Variants in SGCZ observed in about 807,000 individuals in gnomAD.
SGCZ encodes the protein zeta-sarcoglycan.
Under a neutral mutation model 41.3 loss-of-function variants are expected in SGCZ, and 40 were observed. The ratio of observed to expected loss-of-function variants is 0.97; its 90% CI spans 0.75 to 1.26. SGCZ has a LOEUF of 1.26. Ranked by LOEUF, SGCZ falls within the 50% of genes most tolerant of loss-of-function variation. The pLI is 0.00. For synonymous variants in SGCZ, 206 were observed against 137.5 expected (o/e 1.50, Z -3.49); for missense variants, 552 against 369.8 (o/e 1.49, Z -4.04).
chr8:14,324,635 AT>A (rs1247128946), intron 2 of SGCZ, among the ~76,000 whole-genome samples: 1 of 152,164 alleles, frequency 6.6e-6, no homozygotes, highest in Non-Finnish European at 1.5e-5. Flanking sequence ...TGATACAATA[AT>A]TTTAACAAGT....
chr8:14,956,194 C>T (rs1022139494), intron 1 of SGCZ, among the ~76,000 whole-genome samples: 1 of 151,914 alleles, frequency 6.6e-6, no homozygotes, highest in Non-Finnish European at 1.5e-5. Context: ...CATGCGTGAC[C>T]ACACCTAGCT....
chr8:14,197,450 C>T (rs944869966), intron 4 of SGCZ, among the ~76,000 whole-genome samples: 1 of 151,800 alleles, frequency 6.6e-6, no homozygotes, highest in Non-Finnish European at 1.5e-5. Flanking sequence ...AATGATAATA[C>T]ATCATAGATA....
intron 1 of SGCZ, among the ~76,000 whole-genome samples, chr8:14,835,464 C>A (rs1294591160): frequency 6.6e-6 from 1 of 152,162 alleles, no homozygotes; most frequent in Non-Finnish European, 1.5e-5. Flanking sequence ...TGATACTAAA[C>A]TGTGTTTTGG....
chr8:15,116,044 C>T (rs1291418248), intron 1 of SGCZ, among the ~76,000 whole-genome samples: 1 of 152,104 alleles, frequency 6.6e-6, no homozygotes, highest in African/African-American at 2.4e-5. Context: ...CAGCCATAAA[C>T]AATATATAAG....
intron 1 of SGCZ, among the ~76,000 whole-genome samples, chr8:14,653,460 C>A (rs866109199): frequency 6.6e-6 from 1 of 152,054 alleles, no homozygotes; most frequent in Non-Finnish European, 1.5e-5. Flanking sequence ...GATAGCTTAG[C>A]CTATCTTTAT....
chr8:14,964,479 A>C (rs1004058252), intron 1 of SGCZ, among the ~76,000 whole-genome samples: 2 of 152,150 alleles, frequency 1.3e-5, no homozygotes, highest in African/African-American at 4.8e-5. Flanking sequence ...TTACCTCTAA[A>C]ACAAAAAGAT....
intron 1 of SGCZ, among the ~76,000 whole-genome samples, chr8:14,940,817 C>T (rs568243586): frequency 3.9e-5 from 6 of 151,956 alleles, no homozygotes; most frequent in Non-Finnish European, 8.8e-5. Flanking sequence ...GAAGTGAAAC[C>T]ACAGAAAGGG....
chr8:14,180,901 T>C (rs1027876260), intron 4 of SGCZ, among the ~76,000 whole-genome samples: 2 of 151,312 alleles, frequency 1.3e-5, no homozygotes, highest in African/African-American at 4.9e-5. Context: ...GGGAGTGCCA[T>C]GAAGACTACC....
chr8:14,343,560 A>G (rs1802783912), intron 2 of SGCZ, among the ~76,000 whole-genome samples: 2 of 152,194 alleles, frequency 1.3e-5, no homozygotes, highest in Non-Finnish European at 2.9e-5. Flanking sequence ...ATTTCAAGAA[A>G]ATGTTCAGAA....
At chr8:14,277,718 C>G (rs534958882) in intron 3 of SGCZ, among the ~76,000 whole-genome samples, 2 of 152,218 alleles carry the variant, frequency 1.3e-5, no homozygotes, top group South Asian at 2.1e-4. Context: ...TAGAAGCTGC[C>G]TAACTTCCTA....
chr8:14,395,455 G>T (rs180996732), intron 2 of SGCZ, among the ~76,000 whole-genome samples: 6 of 152,236 alleles, frequency 3.9e-5, no homozygotes, highest in Non-Finnish European at 5.9e-5. Flanking sequence ...CTTTACAAAG[G>T]GTGGGTTCCC....
At chr8:14,339,442 A>G (rs1037298818) in intron 2 of SGCZ, among the ~76,000 whole-genome samples, 2 of 152,238 alleles carry the variant, frequency 1.3e-5, no homozygotes, top group East Asian at 3.8e-4. Context: ...GGATATTAGG[A>G]TAAGTTATTG....
chr8:14,686,452 G>A (rs1007925771), intron 1 of SGCZ, among the ~76,000 whole-genome samples: 2 of 152,024 alleles, frequency 1.3e-5, no homozygotes, highest in African/African-American at 4.8e-5. Context: ...AGATATAAGA[G>A]ATCTGAAAAT....
At chr8:14,151,335 A>C (rs1803702876) in intron 5 of SGCZ, among the ~76,000 whole-genome samples, 1 of 152,114 alleles carries the variant, frequency 6.6e-6, no homozygotes, top group Non-Finnish European at 1.5e-5. Context: ...TAAAAAATTA[A>C]ACCATACTAT....
At chr8:14,284,208 T>C (rs191340602) in intron 3 of SGCZ, among the ~76,000 whole-genome samples, 19 of 152,272 alleles carry the variant, frequency 1.2e-4, no homozygotes, top group East Asian at 3.9e-4. Flanking sequence ...CTAGGTAATA[T>C]AGTGGAACCC....
At chr8:14,338,418 T>C (rs1431366875) in intron 2 of SGCZ, among the ~76,000 whole-genome samples, 2 of 152,110 alleles carry the variant, frequency 1.3e-5, no homozygotes, top group African/African-American at 2.4e-5. Flanking sequence ...TGAGAATGTA[T>C]AGACCCAGCT....
chr8:14,136,229 T>C (rs1803192943), intron 5 of SGCZ, among the ~76,000 whole-genome samples: 1 of 151,992 alleles, frequency 6.6e-6, no homozygotes. Context: ...GCTCCCAGTG[T>C]GAGTGACGCA....
chr8:15,097,875 T>C (rs1806432879), intron 1 of SGCZ, among the ~76,000 whole-genome samples: 1 of 52,038 alleles, frequency 1.9e-5, no homozygotes, highest in Non-Finnish European at 3.7e-5. Flanking sequence ...TGTATATATA[T>C]ATATATACGT....
chr8:14,711,776 G>A (rs1809527139), intron 1 of SGCZ, among the ~76,000 whole-genome samples: 1 of 152,034 alleles, frequency 6.6e-6, no homozygotes. Flanking sequence ...AACACTAATC[G>A]CCTTTATCTG....
Sources: gnomAD v4.1 joint callset for allele counts (sites outside exome capture counted in the v4.1 genomes callset) on GRCh38, gnomAD v4.1.1 for gene constraint, MANE v1.5 for transcripts, NCBI Gene and HGNC (gene_info 2026-07-23, HGNC 2026-07-21) for gene names.